Variants in CNBD1 observed in about 807,000 individuals in gnomAD.
CNBD1 encodes cyclic nucleotide binding domain containing 1, also known as cyclic nucleotide-binding domain-containing protein 1.
In CNBD1, 71 loss-of-function variants were observed where a neutral mutation model predicts 54.4. That is an observed-to-expected ratio of 1.30 (90% confidence interval 1.08 to 1.59). The LOEUF (loss-of-function observed/expected upper bound fraction) is 1.59. Ranked by LOEUF, CNBD1 falls within the 40% of genes most tolerant of loss-of-function variation. The probability of loss-of-function intolerance (pLI) is 0.00; values close to 1 mark genes in which losing one functional copy is unlikely to be tolerated. For synonymous variants in CNBD1, 182 were observed against 170.7 expected, an observed-to-expected ratio of 1.07 and a Z score of -0.51; for missense variants, 659 against 518.0, an observed-to-expected ratio of 1.27 and a Z score of -2.64.
chr8:87,332,616 G>T (rs905887773), intron 8 of CNBD1, among the ~76,000 whole-genome samples: 1 of 152,110 alleles, frequency 6.6e-6, no homozygotes, highest in Non-Finnish European at 1.5e-5. Flanking sequence ...AGTTTTTGCA[G>T]CACTGTTTAT....
At chr8:87,378,380 A>T (rs1055053598) in intron 10 of CNBD1, among the ~76,000 whole-genome samples, 1 of 149,732 alleles carries the variant, frequency 6.7e-6, no homozygotes, top group Non-Finnish European at 1.5e-5. Flanking sequence ...ATGGCTAGCC[A>T]GTTTTCCCAG....
intron 8 of CNBD1, among the ~76,000 whole-genome samples, chr8:87,323,112 T>A (rs1221816170): frequency 9.4e-5 from 11 of 117,358 alleles, no homozygotes; most frequent in Admixed American, 9.2e-4. Context: ...ATCAGATAGT[T>A]GTAGGTATGC....
At chr8:87,312,363 G>A (rs1028383103) in intron 8 of CNBD1, among the ~76,000 whole-genome samples, 5 of 152,024 alleles carry the variant, frequency 3.3e-5, no homozygotes, top group Admixed American at 2.6e-4. Context: ...TGCATGATTA[G>A]TTTGATCTCT....
chr8:87,318,304 A>T (rs1809443586), intron 8 of CNBD1, among the ~76,000 whole-genome samples: 1 of 151,972 alleles, frequency 6.6e-6, no homozygotes, highest in African/African-American at 2.4e-5. Flanking sequence ...TGGGTGCTGG[A>T]TTAAATATGT....
At chr8:87,214,476 T>A (rs1814164886) in intron 5 of CNBD1, among the ~76,000 whole-genome samples, 1 of 152,196 alleles carries the variant, frequency 6.6e-6, no homozygotes. Context: ...CACATTTTCC[T>A]GTCTTCTTCT....
intron 8 of CNBD1, among the ~76,000 whole-genome samples, chr8:87,297,791 G>A (rs6996227): frequency 0.37 from 55,515 of 151,494 alleles, 10,484 homozygotes; most frequent in Middle Eastern, 0.45. Flanking sequence ...AAACTATGTT[G>A]CACTAATAAA....
chr8:87,219,192 C>T (rs1253581289), intron 5 of CNBD1, among the ~76,000 whole-genome samples: 1 of 151,920 alleles, frequency 6.6e-6, no homozygotes, highest in Admixed American at 6.6e-5. Context: ...AAATATAAAT[C>T]AAAAAGCATT....
intron 4 of CNBD1, among the ~76,000 whole-genome samples, chr8:86,940,424 C>T (rs1239890839): frequency 6.6e-6 from 1 of 152,112 alleles, no homozygotes; most frequent in East Asian, 1.9e-4. Context: ...GCCTCGGCCT[C>T]CCTCGGCCTG....
chr8:87,421,946 G>A (rs1226450269), intron 2 of CNBD1, among the ~76,000 whole-genome samples: 1 of 149,354 alleles, frequency 6.7e-6, no homozygotes, highest in African/African-American at 2.5e-5. Flanking sequence ...GTTGTTTCCT[G>A]ACTTTTTAAT....
At chr8:86,966,104 G>A (rs1348179494) in intron 4 of CNBD1, among the ~76,000 whole-genome samples, 1 of 152,202 alleles carries the variant, frequency 6.6e-6, no homozygotes, top group African/African-American at 2.4e-5. Flanking sequence ...GGTGGGCCCA[G>A]AAGAGCCATA....
intron 2 of CNBD1, among the ~76,000 whole-genome samples, chr8:87,410,100 T>A (rs1807716427): frequency 6.6e-6 from 1 of 152,058 alleles, no homozygotes; most frequent in Non-Finnish European, 1.5e-5. Flanking sequence ...TGACAGCCCA[T>A]CTGTTTATAG....
At chr8:86,994,351 G>A (rs1009441940) in intron 4 of CNBD1, among the ~76,000 whole-genome samples, 4 of 152,230 alleles carry the variant, frequency 2.6e-5, no homozygotes, top group Non-Finnish European at 5.9e-5. Flanking sequence ...AGGGACTGGT[G>A]GGCAGGAGGG....
At chr8:87,114,186 C>T (rs556997481) in intron 4 of CNBD1, among the ~76,000 whole-genome samples, 3 of 152,266 alleles carry the variant, frequency 2.0e-5, no homozygotes, top group East Asian at 1.9e-4. Flanking sequence ...AATGAAATTG[C>T]TCACACACAA....
intron 3 of CNBD1, among the ~76,000 whole-genome samples, chr8:86,933,121 C>T (rs1411044134): frequency 6.6e-6 from 1 of 152,130 alleles, no homozygotes; most frequent in Non-Finnish European, 1.5e-5. Flanking sequence ...TTTGTCCTCA[C>T]TTCTTATCAT....
At chr8:87,013,409 C>T (rs1015414753) in intron 4 of CNBD1, among the ~76,000 whole-genome samples, 4 of 152,066 alleles carry the variant, frequency 2.6e-5, no homozygotes, top group African/African-American at 9.7e-5. Flanking sequence ...GTTTATGGCA[C>T]CTCCACTTGA....
chr8:87,321,435 T>C (rs1255297498), intron 8 of CNBD1, among the ~76,000 whole-genome samples: 1 of 152,198 alleles, frequency 6.6e-6, no homozygotes, highest in Non-Finnish European at 1.5e-5. Flanking sequence ...TTTGTGTTTG[T>C]GTAATAATTA....
At chr8:87,195,796 C>T (rs1813709713) in intron 4 of CNBD1, among the ~76,000 whole-genome samples, 2 of 151,854 alleles carry the variant, frequency 1.3e-5, no homozygotes, top group South Asian at 4.1e-4. Context: ...TGGTCTCGAA[C>T]TCCTGACCTC....
chr8:87,251,793 ATTC>A (rs1337518633), intron 6 of CNBD1, among the ~76,000 whole-genome samples: 18 of 152,224 alleles, frequency 1.2e-4, no homozygotes, highest in Admixed American at 5.9e-4. Flanking sequence ...AAAACATTTC[ATTC>A]TTCTTACACT....
At chr8:87,042,920 A>G (rs1270285021) in intron 4 of CNBD1, among the ~76,000 whole-genome samples, 1 of 152,150 alleles carries the variant, frequency 6.6e-6, no homozygotes, top group Non-Finnish European at 1.5e-5. Context: ...AAATACACTT[A>G]TGTACATATG....
Sources: gnomAD v4.1 joint callset for allele counts (sites outside exome capture counted in the v4.1 genomes callset) on GRCh38, gnomAD v4.1.1 for gene constraint, MANE v1.5 for transcripts, NCBI Gene and HGNC (gene_info 2026-07-23, HGNC 2026-07-21) for gene names.